The following ADGRV1 variants were observed in gnomAD, a reference collection of about 807,000 sequenced individuals.
ADGRV1 encodes adhesion G protein-coupled receptor V1.
Under a neutral mutation model 596.2 loss-of-function variants are expected in ADGRV1, and 359 were observed. The observed-to-expected ratio is 0.60, with a 90% CI of 0.55 to 0.66. The LOEUF is 0.66. Among genes scored for constraint, ADGRV1 ranks in the 30% least tolerant of loss-of-function variants. The pLI, the probability that ADGRV1 is intolerant of heterozygous loss-of-function variation, is 0.00. For missense variants in ADGRV1, 7,274 were observed against 7,575.6 expected (o/e 0.96, Z 1.48); for synonymous variants, 2,681 against 2,679.2 (o/e 1.00, Z -0.02).
intron 85 of ADGRV1, among the ~76,000 whole-genome samples, chr5:91,027,748 A>G (rs534880300): frequency 2.0e-5 from 3 of 152,338 alleles, no homozygotes; most frequent in Admixed American, 6.5e-5. Context: ...TTCACACAGC[A>G]GAGCTAAAAG....
At chr5:90,595,670 C>T (rs1321142233) in intron 1 of ADGRV1, among the ~76,000 whole-genome samples, 3 of 135,926 alleles carry the variant, frequency 2.2e-5, no homozygotes, top group Non-Finnish European at 4.7e-5. Context: ...AACTGACCCC[C>T]CCACCTCCCT....
chr5:91,158,976 C>T (rs1459126289), intron 89 of ADGRV1, among the ~76,000 whole-genome samples: 1 of 152,156 alleles, frequency 6.6e-6, no homozygotes, highest in Non-Finnish European at 1.5e-5. Flanking sequence ...CCCTTTTAAT[C>T]TCCCTTACAA....
intron 27 of ADGRV1, among the ~76,000 whole-genome samples, chr5:90,682,163 G>A (rs1745033435): frequency 6.6e-6 from 1 of 152,114 alleles, no homozygotes; most frequent in Non-Finnish European, 1.5e-5. Flanking sequence ...TTCGTAGTAT[G>A]TATATGTCCA....
chr5:90,639,302 A>G (rs1766672036), intron 11 of ADGRV1, among the ~76,000 whole-genome samples: 1 of 152,164 alleles, frequency 6.6e-6, no homozygotes. Context: ...ACAACTAAAG[A>G]AACAGAAACA....
At chr5:90,559,623 C>T (rs1754548405) in intron 1 of ADGRV1, among the ~76,000 whole-genome samples, 1 of 152,058 alleles carries the variant, frequency 6.6e-6, no homozygotes, top group Non-Finnish European at 1.5e-5. Flanking sequence ...TTTAAACCAA[C>T]TTTTCCCACT....
At chr5:90,650,341 G>C (rs1023033091) in intron 17 of ADGRV1, among the ~76,000 whole-genome samples, 1 of 152,166 alleles carries the variant, frequency 6.6e-6, no homozygotes, top group Admixed American at 6.5e-5. Flanking sequence ...TATGATAATA[G>C]AACCCTGCCA....
At chr5:90,658,625 A>T (rs1472257302) in intron 21 of ADGRV1, among the ~76,000 whole-genome samples, 1 of 151,904 alleles carries the variant, frequency 6.6e-6, no homozygotes, top group Non-Finnish European at 1.5e-5. Flanking sequence ...ATATATATTG[A>T]AGGCTTGTAT....
At chr5:90,738,062 T>G (rs1988195) in intron 50 of ADGRV1, among the ~76,000 whole-genome samples, 114,166 of 151,846 alleles carry the variant, frequency 0.75, 43,380 homozygotes, top group African/African-American at 0.84. Flanking sequence ...GGTCTGCTTT[T>G]AATCCTTTCT....
chr5:90,969,242 C>G (rs960096745), intron 84 of ADGRV1, among the ~76,000 whole-genome samples: 1 of 152,122 alleles, frequency 6.6e-6, no homozygotes, highest in African/African-American at 2.4e-5. Flanking sequence ...GTGTCTGGGA[C>G]AGAATGCATA....
intron 64 of ADGRV1, 197 bp from the exon 65 acceptor site, chr5:90,781,233 G>A (rs538195148): frequency 3.4e-6 from 2 of 596,550 alleles, no homozygotes; most frequent in Non-Finnish European, 6.0e-6. Context: ...CTCATTGGGA[G>A]CAACACAGAA....
intron 85 of ADGRV1, among the ~76,000 whole-genome samples, chr5:91,065,687 T>G (rs1048449095): frequency 2.6e-5 from 4 of 152,128 alleles, no homozygotes; most frequent in Admixed American, 2.0e-4. Context: ...TTAAATCAAA[T>G]TGGGTAACGC....
rs775894953 is a variant in ADGRV1, at chr5:90,728,942, A to G, written c.10426+9A>G. The G allele has an allele frequency of 6.3e-7, 1 of 1,576,716 alleles. No homozygotes were observed. Among genetic ancestry groups the G allele is most frequent in the South Asian group, 1.1e-5 (1 of 89,580 alleles). On this transcript the variant is annotated intron_variant, in intron 49 of 89. Transcript: ENST00000405460. ...CGAAAATGTCTTTCTAGGTGAGAAG[A>G]TAAAGTATTTGTAGTGTATATATAA...
At position 90,685,811 on chromosome 5, in the gene ADGRV1, A is replaced by G. The variant is rs1264425161; in HGVS notation, c.6306A>G (p.Val2102=). Reference sequence around the variant, plus strand: ...ATTCTCCACGTCTTGGGCCTAAGGTAGAAACTATTGCGCAACTAATTATCA... The same window carrying G: ...ATTCTCCACGTCTTGGGCCTAAGGTGGAAACTATTGCGCAACTAATTATCA... ...IPNSPRLGPK[V]ETIAQLIIIA... Residue 2102 remains valine, a synonymous_variant, in exon 29 of 90, where the codon GTA becomes GTG. Transcript: ENST00000405460. 1.2e-6 allele frequency: 2 copies of G among 1,610,504 alleles called. No individual in the cohort carries two copies. Among genetic ancestry groups the G allele is most frequent in the African/African-American group, 1.3e-5 (1 of 74,968 alleles).
At chr5:90,943,116 C>G (rs930978543) in intron 83 of ADGRV1, among the ~76,000 whole-genome samples, 1 of 151,992 alleles carries the variant, frequency 6.6e-6, no homozygotes, top group African/African-American at 2.4e-5. Context: ...TTAAAGCTGG[C>G]CTTTCCCTGT....
intron 58 of ADGRV1, among the ~76,000 whole-genome samples, chr5:90,762,362 T>C (rs929071723): frequency 6.6e-6 from 1 of 152,160 alleles, no homozygotes; most frequent in African/African-American, 2.4e-5. Context: ...AAGGTATATG[T>C]AAGAACTGAC....
At chr5:90,572,770 C>T (rs1185354376) in intron 1 of ADGRV1, among the ~76,000 whole-genome samples, 2 of 151,912 alleles carry the variant, frequency 1.3e-5, no homozygotes, top group African/African-American at 2.4e-5. Flanking sequence ...TTGGGACTAG[C>T]CTTGGAAAAG....
At chr5:90,925,807 T>A (rs924127715) in intron 83 of ADGRV1, among the ~76,000 whole-genome samples, 13 of 127,022 alleles carry the variant, frequency 1.0e-4, no homozygotes, top group African/African-American at 3.6e-4. Flanking sequence ...ATACGTCCCG[T>A]CAATACCTAA....
intron 21 of ADGRV1, among the ~76,000 whole-genome samples, chr5:90,660,060 C>A (rs1454051864): frequency 6.6e-6 from 1 of 151,528 alleles, no homozygotes; most frequent in Non-Finnish European, 1.5e-5. Flanking sequence ...GAAAAAGAAA[C>A]AGACAAATTG....
At chr5:90,979,644 T>G (rs1471937800) in intron 84 of ADGRV1, among the ~76,000 whole-genome samples, 4 of 152,236 alleles carry the variant, frequency 2.6e-5, no homozygotes, top group Non-Finnish European at 5.9e-5. Context: ...TTGTAAGATC[T>G]GTGTTGCTGC....
Sources: allele counts gnomAD v4.1 joint callset (sites outside exome capture counted in the v4.1 genomes callset), GRCh38; gene constraint gnomAD v4.1.1; transcripts MANE v1.5; gene names NCBI Gene and HGNC (gene_info 2026-07-23, HGNC 2026-07-21).